NLK: variants seen among roughly 807,000 people sequenced by gnomAD.
NLK encodes the protein nemo like kinase, also known as serine/threonine-protein kinase NLK.
A neutral mutation model predicts 59.0 loss-of-function variants in NLK; 11 were observed. That is an observed-to-expected ratio of 0.19 (90% CI 0.12 to 0.31). NLK has a LOEUF of 0.31. NLK is among the 10% of genes least tolerant of loss of function. The pLI is 1.00. For missense variants in NLK, 410 were observed against 661.1 expected (o/e 0.62, Z 4.16); for synonymous variants, 235 against 235.9 (o/e 1.00, Z 0.03).
chr17:28,047,300 C>A (rs1909093034), intron 1 of NLK, among the ~76,000 whole-genome samples: 1 of 152,148 alleles, frequency 6.6e-6, no homozygotes, highest in South Asian at 2.1e-4. Flanking sequence ...GTGAAATCAG[C>A]ATGCAGACTA....
intron 7 of NLK, among the ~76,000 whole-genome samples, chr17:28,178,046 C>G (rs1211413741): frequency 6.6e-6 from 1 of 152,206 alleles, no homozygotes; most frequent in African/African-American, 2.4e-5. Context: ...TTAGCAAACT[C>G]CTGCTCATAT....
chr17:28,093,048 C>CT (rs1352948270), intron 1 of NLK, among the ~76,000 whole-genome samples: 1 of 152,020 alleles, frequency 6.6e-6, no homozygotes, highest in Non-Finnish European at 1.5e-5. Context: ...CCACCTTGGC[C>CT]CCCCAAAGTG....
Position 28,112,542 on chromosome 17 carries a change from C to G in NLK, c.459-10061C>G, listed in dbSNP as rs139248089. Among the ~76,000 whole-genome samples, 1,359 of 152,150 alleles carry G rather than the reference C, an allele frequency of 8.9e-3. 21 individuals carry two copies. Among genetic ancestry groups the G allele is most frequent in the African/African-American group, 0.031 (1,278 of 41,504 alleles). On this transcript the variant is annotated intron_variant, in intron 1 of 10. Coordinates refer to ENST00000407008, the MANE Select transcript of NLK (RefSeq NM_016231.5). ...TGACTTTGGCCATTTTTCTGGAGTC[C>G]CAAAATGGCTGTTTTTGACACTTTT...
chr17:28,192,527 G>C (rs908457569), intron 10 of NLK, among the ~76,000 whole-genome samples: 1 of 152,076 alleles, frequency 6.6e-6, no homozygotes, highest in African/African-American at 2.4e-5. Context: ...AATTAGCCAG[G>C]CATGGTGGTG....
At chr17:28,136,742 T>C (rs1906764254) in intron 3 of NLK, among the ~76,000 whole-genome samples, 1 of 152,164 alleles carries the variant, frequency 6.6e-6, no homozygotes, top group Non-Finnish European at 1.5e-5. Context: ...TAGCTGGGAT[T>C]ACAGGTGCAT....
Position 28,196,012 on chromosome 17 carries a change from T to C in NLK, c.*1376T>C, listed in dbSNP as rs1170598421. 6.6e-6 allele frequency: 1 copy of C among 152,670 alleles called. No individual in the cohort carries two copies. The highest frequency in any genetic ancestry group is 1.5e-5 in the Non-Finnish European group (1 of 68,032). The allele number at this position is 152,670 out of a possible 1,614,324, so 9.5% of individuals were successfully genotyped here. ...TGTTAAAGTTATTGTAAGTTATCTG[T>C]ATTTAGCAGAGTATTTTCAACTTGA... On this transcript the variant is annotated 3_prime_UTR_variant, in exon 11 of 11. Transcript: ENST00000407008.
chr17:28,124,174 G>T (rs1906196510), intron 2 of NLK, among the ~76,000 whole-genome samples: 1 of 152,066 alleles, frequency 6.6e-6, no homozygotes, highest in South Asian at 2.1e-4. Context: ...AAAGGGCATT[G>T]CTGTGTTTTA....
chr17:28,059,301 A>C (rs1309442009), intron 1 of NLK, among the ~76,000 whole-genome samples: 3 of 150,986 alleles, frequency 2.0e-5, no homozygotes, highest in African/African-American at 7.3e-5. Flanking sequence ...TGGATTTTTT[A>C]TTTTTTTTTA....
At chr17:28,083,914 C>G (rs1318534859) in intron 1 of NLK, among the ~76,000 whole-genome samples, 1 of 152,026 alleles carries the variant, frequency 6.6e-6, no homozygotes, top group Non-Finnish European at 1.5e-5. Context: ...TTGAGTAGTC[C>G]TCAAAATCTC....
chr17:28,057,040 C>T (rs1234618144), intron 1 of NLK, among the ~76,000 whole-genome samples: 2 of 150,898 alleles, frequency 1.3e-5, no homozygotes, highest in African/African-American at 4.9e-5. Context: ...CTGCAACCTC[C>T]GCCTCCCGGG....
chr17:28,127,301 T>G (rs1906329227), intron 2 of NLK, among the ~76,000 whole-genome samples: 1 of 152,196 alleles, frequency 6.6e-6, no homozygotes, highest in African/African-American at 2.4e-5. Context: ...CAAAGAAGCT[T>G]CATTCATTTT....
chr17:28,065,306 A>G (rs1296425912), intron 1 of NLK, among the ~76,000 whole-genome samples: 1 of 151,950 alleles, frequency 6.6e-6, no homozygotes, highest in African/African-American at 2.4e-5. Flanking sequence ...TTTGAGTTAA[A>G]TTTTGATGAT....
chr17:28,130,566 A>G (rs957901510), intron 2 of NLK, among the ~76,000 whole-genome samples: 1 of 152,270 alleles, frequency 6.6e-6, no homozygotes, highest in African/African-American at 2.4e-5. Flanking sequence ...AGAAAGCCTC[A>G]TTCTTCTCTA....
intron 1 of NLK, among the ~76,000 whole-genome samples, chr17:28,068,159 A>G (rs1909897588): frequency 6.6e-6 from 1 of 151,472 alleles, no homozygotes; most frequent in Non-Finnish European, 1.5e-5. Flanking sequence ...AAAAAAAAAA[A>G]TATGGATGTT....
At chr17:28,091,824 A>G (rs1904505585) in intron 1 of NLK, among the ~76,000 whole-genome samples, 1 of 152,218 alleles carries the variant, frequency 6.6e-6, no homozygotes, top group Non-Finnish European at 1.5e-5. Flanking sequence ...TGAAACAGAT[A>G]ATACTGGGTA....
chr17:28,169,401 C>G (rs1444048086), intron 6 of NLK, among the ~76,000 whole-genome samples: 1 of 152,144 alleles, frequency 6.6e-6, no homozygotes, highest in Admixed American at 6.5e-5. Flanking sequence ...AGGAAAATTT[C>G]TAACCTTTAT....
At chr17:28,083,229 G>A (rs1266405120) in intron 1 of NLK, among the ~76,000 whole-genome samples, 2 of 152,108 alleles carry the variant, frequency 1.3e-5, no homozygotes, top group African/African-American at 2.4e-5. Flanking sequence ...TGTCCCTTTT[G>A]TATCTGTGAC....
At chr17:28,131,708 A>G (rs1906525245) in intron 2 of NLK, among the ~76,000 whole-genome samples, 2 of 151,206 alleles carry the variant, frequency 1.3e-5, no homozygotes, top group Admixed American at 1.3e-4. Context: ...GGTATTTCTC[A>G]TTAGCTTAGC....
intron 7 of NLK, among the ~76,000 whole-genome samples, chr17:28,183,529 A>G (rs756280406): frequency 1.8e-4 from 27 of 152,024 alleles, no homozygotes; most frequent in Admixed American, 3.3e-4. Context: ...GCATCTCACA[A>G]TGTTTCCCAG....
Sources: allele counts gnomAD v4.1 joint callset (sites outside exome capture counted in the v4.1 genomes callset), GRCh38; gene constraint gnomAD v4.1.1; transcripts MANE v1.5; gene names NCBI Gene and HGNC (gene_info 2026-07-23, HGNC 2026-07-21).